CAMK2D: variants seen among roughly 807,000 people sequenced by gnomAD.
The protein encoded by CAMK2D is calcium/calmodulin dependent protein kinase II delta.
CAMK2D carries 37 observed loss-of-function variants against 84.0 expected under a neutral mutation model. The ratio of observed to expected loss-of-function variants is 0.44; its 90% CI spans 0.34 to 0.58. The LOEUF is 0.58. Among genes scored for constraint, CAMK2D ranks in the 20% least tolerant of loss-of-function variants. The pLI, the probability that CAMK2D is intolerant of heterozygous loss-of-function variation, is 0.02. For synonymous variants in CAMK2D, 202 were observed against 212.5 expected (o/e 0.95, Z 0.43); for missense variants, 448 against 652.5 (o/e 0.69, Z 3.41).
Position 113,453,910 on chromosome 4 carries a change from A to G in CAMK2D, c.*635T>C, listed in dbSNP as rs544486988. 1 of 152,692 alleles carries G rather than the reference A, an allele frequency of 6.5e-6. No individual in the cohort carries two copies. The highest frequency in any genetic ancestry group is 1.9e-4 in the East Asian group (1 of 5,188). The allele number at this position is 152,692 out of a possible 1,614,324, so 9.5% of individuals were successfully genotyped here. A position where few individuals can be genotyped will look rare whatever the true frequency, so the allele number is the denominator to read the frequency against. ...TTTTCCAGTTTACACAGTTTGACCA[A>G]AAACAGCATGGCTTTATGTGGTAGC... On this transcript the variant is annotated 3_prime_UTR_variant, in exon 21 of 21. Coordinates refer to ENST00000511664, the MANE Select transcript of CAMK2D (RefSeq NM_001321571.2).
intron 3 of CAMK2D, among the ~76,000 whole-genome samples, chr4:113,648,144 T>C (rs1386020416): frequency 3.3e-5 from 5 of 152,202 alleles, no homozygotes; most frequent in Non-Finnish European, 5.9e-5. Flanking sequence ...TTGGGGTAGT[T>C]GGATTATTAT....
At chr4:113,585,094 CAT>C (rs969863203) in intron 4 of CAMK2D, among the ~76,000 whole-genome samples, 1 of 152,136 alleles carries the variant, frequency 6.6e-6, no homozygotes, top group Non-Finnish European at 1.5e-5. Context: ...GGTAGAGAAA[CAT>C]AATGTGTTCA....
At chr4:113,688,910 C>CAAAAAAAAAAAAAAAAAAA (rs34196728) in intron 2 of CAMK2D, among the ~76,000 whole-genome samples, 2 of 49,714 alleles carry the variant, frequency 4.0e-5, no homozygotes, top group Non-Finnish European at 3.7e-5. Context: ...AAAGAAGATG[C>CAAAAAAAAAAAAAAAAAAA]AAAAAAAAAA....
At chr4:113,561,094 A>C (rs2098696354) in intron 4 of CAMK2D, among the ~76,000 whole-genome samples, 1 of 152,148 alleles carries the variant, frequency 6.6e-6, no homozygotes, top group Admixed American at 6.5e-5. Flanking sequence ...AAAAGGAACA[A>C]AAGAGTTGGA....
intron 16 of CAMK2D, among the ~76,000 whole-genome samples, chr4:113,483,254 C>T (rs2097723226): frequency 6.6e-6 from 1 of 152,176 alleles, no homozygotes; most frequent in African/African-American, 2.4e-5. Flanking sequence ...ATATTCAGCA[C>T]ACAGAAGGTG....
chr4:113,636,743 G>T (rs2099111235), intron 3 of CAMK2D, among the ~76,000 whole-genome samples: 1 of 152,064 alleles, frequency 6.6e-6, no homozygotes, highest in South Asian at 2.1e-4. Context: ...TATCAAGGAG[G>T]TCCCATCTTC....
intron 16 of CAMK2D, among the ~76,000 whole-genome samples, chr4:113,496,042 G>C (rs2097923658): frequency 6.6e-6 from 1 of 152,202 alleles, no homozygotes; most frequent in Admixed American, 6.5e-5. Flanking sequence ...GAGGCGGAGA[G>C]GCATTGCGGC....
intron 7 of CAMK2D, among the ~76,000 whole-genome samples, chr4:113,536,481 T>TTTG (rs531827206): frequency 3.9e-4 from 59 of 152,322 alleles, no homozygotes; most frequent in African/African-American, 1.3e-3. Context: ...TAGTCCTCTA[T>TTTG]TTGTTGTTGT....
intron 5 of CAMK2D, chr4:113,548,660 C>CAGTCCCTGTGA: frequency 6.6e-7 from 1 of 1,510,770 alleles, no homozygotes; most frequent in South Asian, 1.1e-5. Flanking sequence ...TACTGACCTT[C>CAGTCCCTGTGA]AGGTCCCTGT....
intron 2 of CAMK2D, among the ~76,000 whole-genome samples, chr4:113,671,012 A>G (rs2099279539): frequency 6.6e-6 from 1 of 152,018 alleles, no homozygotes; most frequent in Admixed American, 6.6e-5. Context: ...GTACAGTAAC[A>G]CAAGAGAACA....
chr4:113,586,381 A>G (rs2098834390), intron 4 of CAMK2D, among the ~76,000 whole-genome samples: 1 of 152,200 alleles, frequency 6.6e-6, no homozygotes, highest in Admixed American at 6.6e-5. Context: ...ATTGAGCAAC[A>G]TTTGAAACCA....
chr4:113,761,523 G>A lies in CAMK2D; in HGVS notation c.-455C>T. 7 of 1,011,994 alleles carry A rather than the reference G, an allele frequency of 6.9e-6. No homozygotes were observed. The highest frequency in any genetic ancestry group is 8.3e-6 in the Non-Finnish European group (7 of 846,002). 62.7% of individuals were successfully genotyped at this position (1,011,994 alleles called of 1,614,324 possible). The stretch of plus-strand genomic sequence containing the variant: ...CGAGGGGGCGGAGGTGGAGTGCAGC[G>A]GGGCCGAGGCCGCGGAGCCCAGAGC... On this transcript the variant is annotated 5_prime_UTR_variant, in exon 1 of 21. Transcript: ENST00000511664.
At position 113,761,633 on chromosome 4, in the gene CAMK2D, G is replaced by C; in HGVS notation, c.-565C>G. On this transcript the variant is annotated 5_prime_UTR_variant, in exon 1 of 21. Coordinates refer to ENST00000511664, the MANE Select transcript of CAMK2D (RefSeq NM_001321571.2). ...CCGACGAGCGTGCGCGCCCGAGGCCGGCTTCCCTCCGGCGGGCGGCAGCGG... is the reference window on the plus strand; with the variant it reads ...CCGACGAGCGTGCGCGCCCGAGGCCCGCTTCCCTCCGGCGGGCGGCAGCGG... 1 of 985,158 alleles carries C rather than the reference G, an allele frequency of 1.0e-6. No homozygotes were observed. The highest frequency in any genetic ancestry group is 1.2e-6 in the Non-Finnish European group (1 of 829,830). 61.0% of individuals were successfully genotyped at this position (985,158 alleles called of 1,614,324 possible). A position where few individuals can be genotyped will look rare whatever the true frequency, so the allele number is the denominator to read the frequency against.
intron 2 of CAMK2D, among the ~76,000 whole-genome samples, chr4:113,669,721 A>C (rs1357870688): frequency 6.6e-6 from 1 of 152,172 alleles, no homozygotes; most frequent in Non-Finnish European, 1.5e-5. Flanking sequence ...TGCATGTTCC[A>C]AGATATGAAA....
At chr4:113,496,491 C>G (rs956716094) in intron 16 of CAMK2D, among the ~76,000 whole-genome samples, 1 of 149,076 alleles carries the variant, frequency 6.7e-6, no homozygotes, top group African/African-American at 2.5e-5. Flanking sequence ...CTCTGTCACC[C>G]AGGCTGGAGT....
chr4:113,508,319 T>A, intron 13 of CAMK2D: 1 of 1,298,516 alleles, frequency 7.7e-7, no homozygotes, highest in Non-Finnish European at 1.1e-6. Flanking sequence ...TATGACCGGT[T>A]GAATTTAGAG....
At chr4:113,531,145 T>C (rs574552471) in intron 8 of CAMK2D, 71 bp downstream of exon 8, 8 of 794,224 alleles carry the variant, frequency 1.0e-5, no homozygotes, top group East Asian at 2.5e-5. Flanking sequence ...CTATGACAGA[T>C]TGTTATAGCA....
intron 4 of CAMK2D, among the ~76,000 whole-genome samples, chr4:113,593,367 T>G (rs2098902963): frequency 6.6e-6 from 1 of 152,150 alleles, no homozygotes; most frequent in Non-Finnish European, 1.5e-5. Flanking sequence ...GGATAGAGTG[T>G]CACAATTTAT....
chr4:113,684,967 A>G (rs1005480308), intron 2 of CAMK2D, among the ~76,000 whole-genome samples: 9 of 152,154 alleles, frequency 5.9e-5, no homozygotes, highest in African/African-American at 2.2e-4. Flanking sequence ...CTCTCCCTGG[A>G]AAGAGCTGGC....
Sources: allele counts gnomAD v4.1 joint callset (sites outside exome capture counted in the v4.1 genomes callset), GRCh38; gene constraint gnomAD v4.1.1; transcripts MANE v1.5; gene names NCBI Gene and HGNC (gene_info 2026-07-23, HGNC 2026-07-21).